Variants in ANOS1 observed in about 807,000 individuals in gnomAD.
The protein encoded by ANOS1 is anosmin-1.
Under a neutral mutation model 59.0 loss-of-function variants are expected in ANOS1, and 6 were observed. That is an observed-to-expected ratio of 0.10 (90% confidence interval 0.06 to 0.20). ANOS1 has a LOEUF of 0.20. Ranked by LOEUF, ANOS1 falls within the 10% of genes least tolerant of loss-of-function variation. The pLI, the probability that ANOS1 is intolerant of heterozygous loss-of-function variation, is 1.00. For missense variants in ANOS1, 433 were observed against 542.3 expected (o/e 0.80, Z 2.00); for synonymous variants, 217 against 223.4 (o/e 0.97, Z 0.25).
At chrX:8,698,161 G>T (rs772453528) in intron 2 of ANOS1, among the ~76,000 whole-genome samples, 1 of 112,099 alleles carries the variant, frequency 8.9e-6, no homozygotes, top group African/African-American at 3.2e-5. Context: ...CTTATTGATT[G>T]ATTTTTGCTT....
rs183845160 is a variant in ANOS1, at chrX:8,653,042, G to A, written c.256-29372C>T. ...GGCTAATTTTTGTATTTTTAGTAGA[G>A]ACAGAGTTTCACCACGTTGGACAGG... On this transcript the variant is annotated intron_variant, in intron 2 of 13. Transcript: ENST00000262648. Among the ~76,000 whole-genome samples, 468 of 109,565 alleles carry A rather than the reference G, an allele frequency of 4.3e-3. 2 individuals carry two copies. The highest frequency in any genetic ancestry group is 0.015 in the African/African-American group (453 of 30,069).
At chrX:8,572,932 AAT>A (rs1930257311) in intron 6 of ANOS1, among the ~76,000 whole-genome samples, 1 of 111,230 alleles carries the variant, frequency 9.0e-6, no homozygotes, top group East Asian at 2.8e-4. Flanking sequence ...GAAGCACCCC[AAT>A]ATGGAGGTCT....
At chrX:8,564,845 G>A (rs148613613) in intron 8 of ANOS1, among the ~76,000 whole-genome samples, 5 of 111,669 alleles carry the variant, frequency 4.5e-5, no homozygotes, top group South Asian at 3.8e-4. Flanking sequence ...ATGGGGAACC[G>A]CATGGCTTAC....
intron 8 of ANOS1, among the ~76,000 whole-genome samples, chrX:8,556,437 A>T (rs1310522856): frequency 1.8e-5 from 2 of 109,420 alleles, no homozygotes; most frequent in Non-Finnish European, 3.8e-5. Flanking sequence ...AAACCCTATC[A>T]TCTCAGCCCA....
chrX:8,649,485 G>A (rs893688400), intron 2 of ANOS1, among the ~76,000 whole-genome samples: 3 of 111,640 alleles, frequency 2.7e-5, no homozygotes, highest in African/African-American at 6.5e-5. Context: ...CCACAGAGGT[G>A]GGACCTACCA....
In ANOS1 at chrX:8,625,001, C is replaced by T. The variant is rs895818699; in HGVS notation, c.256-1331G>A. Among the ~76,000 whole-genome samples, 13 of 109,854 alleles carry T rather than the reference C, an allele frequency of 1.2e-4. No individual in the cohort carries two copies. The East Asian group carries it at 1.4e-3, about 12-fold the overall frequency. On this transcript the variant is annotated intron_variant, in intron 2 of 13. Transcript: ENST00000262648. The stretch of plus-strand genomic sequence containing the variant: ...GCGCCCACCTGTAGTTCCAGCTACT[C>T]GGAAGACTGAGGCAGGAGAATCACT...
intron 6 of ANOS1, among the ~76,000 whole-genome samples, chrX:8,575,623 AAAC>A (rs1930307309): frequency 8.9e-6 from 1 of 111,757 alleles, no homozygotes; most frequent in African/African-American, 3.3e-5. Flanking sequence ...ATGAAACATG[AAAC>A]AACACAATTT....
intron 3 of ANOS1, among the ~76,000 whole-genome samples, chrX:8,617,316 T>C (rs914279735): frequency 3.6e-5 from 4 of 112,288 alleles, no homozygotes; most frequent in African/African-American, 1.3e-4. Context: ...AAACCAGTTA[T>C]AGAGCAGCGA....
In ANOS1 at chrX:8,731,913, C is replaced by G. The variant is rs1406011177; in HGVS notation, c.124G>C (p.Gly42Arg). The G allele has an allele frequency of 8.5e-7, 1 of 1,170,699 alleles. No individual in the cohort carries two copies. Among genetic ancestry groups the G allele is most frequent in the Non-Finnish European group, 1.1e-6 (1 of 877,614 alleles). Residue 42 changes from glycine (G) to arginine (R), a missense_variant, in exon 1 of 14, where the codon GGG (glycine) becomes CGG (arginine). Transcript: ENST00000262648. ...GCGCAGCGAGCGCGCTGGACGCTCCCGGCAGACAGCGACTCGTCCAGCCGC... is the reference window on the plus strand; with the variant it reads ...GCGCAGCGAGCGCGCTGGACGCTCCGGGCAGACAGCGACTCGTCCAGCCGC... ...ARRLDESLSA[G>R]SVQRARCASR... is the part of the protein sequence containing the mutation.
At chrX:8,599,969 A>T (rs980280863) in intron 3 of ANOS1, among the ~76,000 whole-genome samples, 1 of 112,143 alleles carries the variant, frequency 8.9e-6, no homozygotes, top group African/African-American at 3.2e-5. Flanking sequence ...TTAGCCTATG[A>T]TTCTCAGATT....
chrX:8,672,371 C>A (rs918814255), intron 2 of ANOS1, among the ~76,000 whole-genome samples: 1 of 112,134 alleles, frequency 8.9e-6, no homozygotes, highest in African/African-American at 3.2e-5. Flanking sequence ...CTGAGGACAC[C>A]CTGCTGGTAA....
At chrX:8,543,191 T>C (rs1185725316) in intron 9 of ANOS1, among the ~76,000 whole-genome samples, 6 of 109,892 alleles carry the variant, frequency 5.5e-5, no homozygotes, top group Non-Finnish European at 1.1e-4. Context: ...CACTTTTATT[T>C]CTCTACTCAT....
chrX:8,687,617 C>T (rs1417334232), intron 2 of ANOS1, among the ~76,000 whole-genome samples: 1 of 109,567 alleles, frequency 9.1e-6, no homozygotes. Flanking sequence ...CACACACACA[C>T]ACACACACAC....
intron 8 of ANOS1, among the ~76,000 whole-genome samples, chrX:8,564,084 C>T (rs1302813678): frequency 9.0e-6 from 1 of 111,233 alleles, no homozygotes; most frequent in African/African-American, 3.3e-5. Context: ...AAGGTAGAAC[C>T]CTGGAGAGCT....
chrX:8,618,116 G>A (rs777752083), intron 3 of ANOS1, among the ~76,000 whole-genome samples: 2 of 112,159 alleles, frequency 1.8e-5, no homozygotes, highest in Admixed American at 1.9e-4. Context: ...TGTCCATCAA[G>A]CTTACCTAAT....
intron 2 of ANOS1, among the ~76,000 whole-genome samples, chrX:8,662,233 C>A (rs1259543599): frequency 9.0e-6 from 1 of 111,696 alleles, no homozygotes; most frequent in Non-Finnish European, 1.9e-5. Context: ...GCAGGGATGG[C>A]TTCAAGGGTG....
chrX:8,703,520 G>A (rs903731257), intron 1 of ANOS1, among the ~76,000 whole-genome samples: 1 of 111,952 alleles, frequency 8.9e-6, no homozygotes, highest in Non-Finnish European at 1.9e-5. Context: ...TAAGAAACCT[G>A]TAGTCAGGGA....
intron 2 of ANOS1, among the ~76,000 whole-genome samples, chrX:8,654,145 C>T (rs1396973711): frequency 1.8e-5 from 2 of 111,865 alleles, no homozygotes; most frequent in African/African-American, 3.2e-5. Flanking sequence ...ACACTGCCTT[C>T]GTTAAACCTG....
intron 2 of ANOS1, among the ~76,000 whole-genome samples, chrX:8,642,306 A>G (rs1373821274): frequency 9.0e-6 from 1 of 111,681 alleles, no homozygotes; most frequent in Admixed American, 9.6e-5. Context: ...AAATGTCTAG[A>G]ATGAGTCAAT....
Sources: allele counts gnomAD v4.1 joint callset (sites outside exome capture counted in the v4.1 genomes callset), GRCh38; gene constraint gnomAD v4.1.1; transcripts MANE v1.5; gene names NCBI Gene and HGNC (gene_info 2026-07-23, HGNC 2026-07-21).